The following LYPD4 variants were observed in gnomAD, a reference collection of about 807,000 sequenced individuals.
LYPD4 encodes the protein ly6/PLAUR domain-containing protein 4.
LYPD4 carries 20 observed loss-of-function variants against 18.2 expected under a neutral mutation model. That is an observed-to-expected ratio of 1.10 (90% CI 0.77 to 1.59). The LOEUF (loss-of-function observed/expected upper bound fraction) is 1.59. Among genes scored for constraint, LYPD4 ranks in the 40% most tolerant of loss-of-function variants. The pLI is 0.00. For synonymous variants in LYPD4, 111 were observed against 118.3 expected (o/e 0.94, Z 0.40); for missense variants, 278 against 300.3 (o/e 0.93, Z 0.55).
rs570239557 is a variant in LYPD4, at chr19:41,837,435, CA to C, written c.539-91del. 1,679 of 1,442,664 alleles carry C rather than the reference CA, an allele frequency of 1.2e-3. 3 individuals are homozygous for C. Among genetic ancestry groups the C allele is most frequent in the Non-Finnish European group, 1.5e-3 (1,541 of 1,036,962 alleles). The allele number at this position is 1,442,664 out of a possible 1,614,324, so 89.4% of individuals were successfully genotyped here. A position where few individuals can be genotyped will look rare whatever the true frequency, so the allele number is the denominator to read the frequency against. On this transcript the variant is annotated intron_variant, in intron 4 of 4. Coordinates refer to ENST00000609812, the MANE Select transcript of LYPD4 (RefSeq NM_173506.7). ...GTGCAGTGGCTCACACCTGTAATCC[CA>C]GCACTTTGGGAGGCCGAGGCAGGTG... is the stretch of plus-strand genomic sequence containing the variant.
rs375380523 is a variant in LYPD4 at position 41,839,276 on chromosome 19, G to A, written c.10C>T (p.Gln4Ter). Residue 4 changes from glutamine (Q) to a stop codon, truncating the protein, a stop_gained, in exon 2 of 5, where the codon CAG becomes TAG. Coordinates refer to ENST00000609812, the MANE Select transcript of LYPD4 (RefSeq NM_173506.7). LOFTEE classifies it high-confidence loss of function. Reference sequence around the variant, plus strand: ...AACAGCTGCACAAGTCTCAAATGCTGGGGTCCCATGGCCCTGTGTCTGGGT... The same window carrying A: ...AACAGCTGCACAAGTCTCAAATGCTAGGGTCCCATGGCCCTGTGTCTGGGT... MGP[Q>*]HLRLVQLFCL... is the part of the protein sequence containing the mutation. 1.2e-5 allele frequency: 20 copies of A among 1,614,024 alleles called. No homozygotes were observed. Among genetic ancestry groups the A allele is most frequent in the Admixed American group, 1.7e-5 (1 of 59,990 alleles).
chr19:41,837,959 T>C lies in LYPD4; in HGVS notation c.514A>G (p.Ser172Gly), dbSNP rs782301846. ...CCTGCCTGAAATTTTAAGGTGGAAC[T>C]GTAACACGTAGAAGCAGCCAAGGGG... Reference protein sequence around the residue: ...SCPLAASTCYSSTLKFQAGFL... With the variant: ...SCPLAASTCYGSTLKFQAGFL... The change falls in exon 4 of 5, where the codon AGT becomes GGT. Residue 172 changes from serine to glycine, a missense_variant. Coordinates refer to ENST00000609812, the MANE Select transcript of LYPD4 (RefSeq NM_173506.7). 6.2e-7 allele frequency: 1 copy of C among 1,610,994 alleles called. No homozygotes were observed. Among genetic ancestry groups the C allele is most frequent in the South Asian group, 1.1e-5 (1 of 90,880 alleles).
Position 41,838,194 on chromosome 19 carries a change from G to A in LYPD4, c.279C>T (p.Ser93=). Residue 93 remains serine, a synonymous_variant, in exon 4 of 5, where the codon TCC becomes TCT. Transcript: ENST00000609812. ...ACACTCCGGGTGGGGAAACAAGGTA[G>A]GAGATTTGCGCAGGGTAAGACGAAG... The part of the protein sequence containing the change: ...SSSSSYPAQI[S]YLVSPPGVSI... The A allele has an allele frequency of 1.3e-6, 2 of 1,591,134 alleles. No homozygotes were observed. The highest frequency in any genetic ancestry group is 2.2e-5 in the East Asian group (1 of 44,500).
At chr19:41,842,764 C>CAAAAAAAAA (rs782233081) in intron 1 of LYPD4, among the ~76,000 whole-genome samples, 135 of 49,802 alleles carry the variant, frequency 2.7e-3, no homozygotes, top group Non-Finnish European at 3.2e-3. Context: ...TCCGTCTAAA[C>CAAAAAAAAA]AAAAAAAAAA....
chr19:41,839,535 A>C, intron 1 of LYPD4, 130 bp from the exon 2 acceptor site: 2 of 522,434 alleles, frequency 3.8e-6, no homozygotes, highest in Non-Finnish European at 3.4e-6. Flanking sequence ...TTAGCTTCTC[A>C]AAGCAGGACT....
chr19:41,839,452 T>A (rs3922888), intron 1 of LYPD4, 47 bp from the exon 2 acceptor site: 11 of 643,628 alleles, frequency 1.7e-5, no homozygotes, highest in African/African-American at 3.6e-5. Flanking sequence ...ATAGGCTCCC[T>A]CAGACCTTCT....
In LYPD4 at chr19:41,839,425, G is replaced by T; in HGVS notation, c.-120-20C>A. ...CTGTTTCTGGAGCAGAAAGTTGATT[G>T]CATCAGCTTCTAGGACATAGGCTCC... On this transcript the variant is annotated intron_variant, in intron 1 of 4. Transcript: ENST00000609812. The T allele has an allele frequency of 1.3e-6, 1 of 779,840 alleles. No homozygotes were observed. Among genetic ancestry groups the T allele is most frequent in the Non-Finnish European group, 2.1e-6 (1 of 465,252 alleles). The allele number at this position is 779,840 out of a possible 1,614,324, so 48.3% of individuals were successfully genotyped here.
At chr19:41,837,703 A>G (rs1555830951) in intron 4 of LYPD4, among the ~76,000 whole-genome samples, 1 of 151,726 alleles carries the variant, frequency 6.6e-6, no homozygotes, top group African/African-American at 2.4e-5. Flanking sequence ...TCAAAAAAAA[A>G]AAAAAGGCCC....
chr19:41,839,417 A>G lies in LYPD4; in HGVS notation c.-120-12T>C, dbSNP rs1600550989. ...CTGGGTCACTGTTTCTGGAGCAGAA[A>G]GTTGATTGCATCAGCTTCTAGGACA... is the stretch of plus-strand genomic sequence containing the variant. On this transcript the variant is annotated splice_polypyrimidine_tract_variant and intron_variant, in intron 1 of 4. Transcript: ENST00000609812. 3.6e-6 allele frequency: 3 copies of G among 832,520 alleles called. No individual in the cohort carries two copies. The highest frequency in any genetic ancestry group is 5.9e-6 in the Non-Finnish European group (3 of 507,716). The allele number at this position is 832,520 out of a possible 1,614,324, so 51.6% of individuals were successfully genotyped here.
chr19:41,838,027 T>G lies in LYPD4; in HGVS notation c.446A>C (p.His149Pro). Residue 149 changes from histidine to proline, a missense_variant, in exon 4 of 5, where the codon CAC (histidine) becomes CCC (proline). By Grantham distance (77) the His-to-Pro change is moderately conservative. Transcript: ENST00000609812. ...SCSCPTCVGEHMKDCLPNFVT... is the reference protein window; with the variant it reads ...SCSCPTCVGEPMKDCLPNFVT... ...AAAATTTGGGAGGCAATCCTTCATG[T>G]GCTCGCCCACACAGGTCGGGCAGCT... is the stretch of plus-strand genomic sequence containing the variant. 6.2e-7 allele frequency: 1 copy of G among 1,614,198 alleles called. No individual in the cohort carries two copies. The highest frequency in any genetic ancestry group is 8.5e-7 in the Non-Finnish European group (1 of 1,180,020).
chr19:41,837,032 C>A, downstream of LYPD4: 1 of 1,524,632 alleles, frequency 6.6e-7, no homozygotes, highest in Non-Finnish European at 8.8e-7. Flanking sequence ...CTTCCTCACA[C>A]CTTCCTCACC....
At chr19:41,837,468 T>C in intron 4 of LYPD4, 123 bp from the exon 5 acceptor site, 1 of 1,040,068 alleles carries the variant, frequency 9.6e-7, no homozygotes. Flanking sequence ...GGTGGATCAC[T>C]TGAGGACTTA....
At chr19:41,836,986 T>C (rs545721479), downstream of LYPD4, 6 of 1,400,836 alleles carry the variant, frequency 4.3e-6, no homozygotes, top group East Asian at 1.5e-4. Context: ...GCCAGGCTCC[T>C]CTTCCTGGGT....
intron 2 of LYPD4, 91 bp from the exon 3 acceptor site, chr19:41,839,115 C>T (rs1471425040): frequency 6.2e-7 from 1 of 1,611,534 alleles, no homozygotes; most frequent in Non-Finnish European, 8.5e-7. Flanking sequence ...CCCACAGGTC[C>T]TGTCCCCAGC....
At chr19:41,835,237 C>T (rs1411333341), downstream of LYPD4, 3 of 152,154 alleles carry the variant, frequency 2.0e-5, no homozygotes, top group African/African-American at 7.2e-5. Context: ...GCAAGTTACT[C>T]CTGATGCTCC....
chr19:41,837,949 A>C lies in LYPD4; in HGVS notation c.524T>G (p.Leu175Ter), dbSNP rs1202047236. The C allele has an allele frequency of 3.1e-6, 5 of 1,607,488 alleles. No individual in the cohort carries two copies. In the African/African-American group the frequency reaches 6.7e-5, roughly 22 times the overall value. The change falls in exon 4 of 5, where the codon TTA (leucine) becomes TGA (stop). Residue 175 changes from leucine (L) to a stop codon, truncating the protein, a stop_gained. Transcript: ENST00000609812. LOFTEE classifies it low-confidence loss of function (END_TRUNC). ...TCTCCTCTCACCTGCCTGAAATTTT[A>C]AGGTGGAACTGTAACACGTAGAAGC... ...LAASTCYSST[L>*]KFQAGFLNTT...
chr19:41,841,037 G>A (rs1239162717), intron 1 of LYPD4, among the ~76,000 whole-genome samples: 3 of 152,168 alleles, frequency 2.0e-5, no homozygotes, highest in Non-Finnish European at 4.4e-5. Context: ...AAATAAGGAT[G>A]ATAGCAGAAA....
chr19:41,839,351 C>T lies in LYPD4; in HGVS notation c.-66G>A. ...AATCAGTTTCAGTCTGGATCCCAAG[C>T]TCAGTTCCCATCAGTCCCCGAATTC... On this transcript the variant is annotated 5_prime_UTR_variant, in exon 2 of 5. Coordinates refer to ENST00000609812, the MANE Select transcript of LYPD4 (RefSeq NM_173506.7). The T allele has an allele frequency of 6.8e-7, 1 of 1,477,946 alleles. No homozygotes were observed. The highest frequency in any genetic ancestry group is 9.5e-7 in the Non-Finnish European group (1 of 1,056,538). The allele number at this position is 1,477,946 out of a possible 1,614,324, so 91.6% of individuals were successfully genotyped here.
intron 1 of LYPD4, among the ~76,000 whole-genome samples, chr19:41,842,622 G>A (rs1161898977): frequency 6.6e-6 from 1 of 151,516 alleles, no homozygotes; most frequent in Non-Finnish European, 1.5e-5. Flanking sequence ...GTCGAGTGTG[G>A]TGGTGGGAGC....
Sources: gnomAD v4.1 joint callset for allele counts (sites outside exome capture counted in the v4.1 genomes callset) on GRCh38, gnomAD v4.1.1 for gene constraint, MANE v1.5 for transcripts, NCBI Gene and HGNC (gene_info 2026-07-23, HGNC 2026-07-21) for gene names.